CFAP299: variants seen among roughly 807,000 people sequenced by gnomAD.
CFAP299 encodes the protein cilia- and flagella-associated protein 299.
Under a neutral mutation model 27.0 loss-of-function variants are expected in CFAP299, and 21 were observed. That is an observed-to-expected ratio of 0.78 (90% CI 0.55 to 1.12). The LOEUF (loss-of-function observed/expected upper bound fraction) is 1.12. CFAP299 is among the 50% of genes most tolerant of loss of function. The pLI, the probability that CFAP299 is intolerant of heterozygous loss-of-function variation, is 0.00. For synonymous variants in CFAP299, 104 were observed against 98.1 expected, an observed-to-expected ratio of 1.06 and a Z score of -0.36; for missense variants, 310 against 276.6, an observed-to-expected ratio of 1.12 and a Z score of -0.86.
chr4:80,417,738 C>T, intron 2 of CFAP299, among the ~76,000 whole-genome samples: 1 of 151,976 alleles, frequency 6.6e-6, no homozygotes, highest in Non-Finnish European at 1.5e-5. Flanking sequence ...ATTGTAATGC[C>T]CCACTATTCT....
intron 4 of CFAP299, among the ~76,000 whole-genome samples, chr4:80,887,432 T>C (rs1309206510): frequency 6.8e-6 from 1 of 148,068 alleles, no homozygotes; most frequent in East Asian, 2.0e-4. Context: ...GTATGACATA[T>C]TTAAAGTGCT....
At chr4:80,643,745 C>T (rs1015690040) in intron 3 of CFAP299, among the ~76,000 whole-genome samples, 1 of 151,992 alleles carries the variant, frequency 6.6e-6, no homozygotes, top group African/African-American at 2.4e-5. Flanking sequence ...GCTTAGGTAC[C>T]CCTTCACTCC....
At chr4:80,414,006 A>G (rs1342036877) in intron 2 of CFAP299, among the ~76,000 whole-genome samples, 1 of 150,902 alleles carries the variant, frequency 6.6e-6, no homozygotes, top group East Asian at 1.9e-4. Flanking sequence ...TGAAAAGAAG[A>G]CTCAGTTGTC....
intron 3 of CFAP299, among the ~76,000 whole-genome samples, chr4:80,641,870 A>G (rs1739743739): frequency 6.6e-6 from 1 of 152,220 alleles, no homozygotes; most frequent in South Asian, 2.1e-4. Context: ...TTTAAGGTAA[A>G]ATCACATGAA....
intron 3 of CFAP299, among the ~76,000 whole-genome samples, chr4:80,702,170 T>A (rs944139751): frequency 6.6e-6 from 1 of 151,884 alleles, no homozygotes; most frequent in African/African-American, 2.4e-5. Context: ...TTTTAACAAC[T>A]ACTCAACTAG....
chr4:80,643,996 C>A (rs1231660495), intron 3 of CFAP299, among the ~76,000 whole-genome samples: 1 of 152,090 alleles, frequency 6.6e-6, no homozygotes, highest in Non-Finnish European at 1.5e-5. Context: ...AGTTTCAATA[C>A]CTCTAATGTC....
chr4:80,778,571 A>G (rs1578115163), intron 3 of CFAP299, among the ~76,000 whole-genome samples: 2 of 152,060 alleles, frequency 1.3e-5, no homozygotes, highest in African/African-American at 4.8e-5. Context: ...CTTCACAGAT[A>G]CTGCTGGTAC....
At chr4:80,390,763 A>G (rs916830268) in intron 2 of CFAP299, among the ~76,000 whole-genome samples, 51 of 145,432 alleles carry the variant, frequency 3.5e-4, no homozygotes, top group Admixed American at 5.6e-4. Flanking sequence ...ACACATATGT[A>G]TATATGTATA....
At chr4:80,607,330 T>G (rs1236834426) in intron 3 of CFAP299, among the ~76,000 whole-genome samples, 3 of 152,048 alleles carry the variant, frequency 2.0e-5, no homozygotes, top group African/African-American at 7.2e-5. Context: ...TACTATAGAG[T>G]CTTGTTGGTT....
chr4:80,687,691 T>C (rs948362089), intron 3 of CFAP299, among the ~76,000 whole-genome samples: 1 of 152,168 alleles, frequency 6.6e-6, no homozygotes, highest in Admixed American at 6.5e-5. Flanking sequence ...GGAGGCAAGA[T>C]GGCCGAATAG....
At position 80,373,242 on chromosome 4, in the gene CFAP299, G is replaced by A. The variant is rs752324475; in HGVS notation, c.242+10358G>A. ...CCCCATAAGCTTCCACTCTAAGAGC[G>A]GGGCCACAGTGATTCTTTGGATCTC... On this transcript the variant is annotated intron_variant, in intron 2 of 5. Coordinates refer to ENST00000358105, the MANE Select transcript of CFAP299 (RefSeq NM_152770.3). Among the ~76,000 whole-genome samples, 7 of 152,018 alleles carry A rather than the reference G, an allele frequency of 4.6e-5. 1 individual carries two copies. The highest frequency in any genetic ancestry group is 9.6e-5 in the African/African-American group (4 of 41,466).
intron 3 of CFAP299, among the ~76,000 whole-genome samples, chr4:80,650,653 T>C (rs1483577706): frequency 3.3e-5 from 5 of 152,204 alleles, no homozygotes; most frequent in African/African-American, 9.6e-5. Flanking sequence ...GTAAGCCTTA[T>C]GCATCTTAAA....
chr4:80,418,707 A>G (rs1368494066), intron 2 of CFAP299, among the ~76,000 whole-genome samples: 1 of 151,282 alleles, frequency 6.6e-6, no homozygotes, highest in Non-Finnish European at 1.5e-5. Flanking sequence ...TTAGAGTTCA[A>G]TTGTTTTACA....
At chr4:80,704,299 T>G (rs1295908276) in intron 3 of CFAP299, among the ~76,000 whole-genome samples, 2 of 151,690 alleles carry the variant, frequency 1.3e-5, no homozygotes, top group Non-Finnish European at 3.0e-5. Context: ...AGCAAACTCA[T>G]GTATGATGGC....
rs1175636829 is a variant in CFAP299 at position 80,746,106 on chromosome 4, AGAG to A, written c.334-123885_334-123883del. 2.0e-5 allele frequency among the ~76,000 whole-genome samples: 3 copies of A among 152,050 alleles called. No homozygotes were observed. In the East Asian group the frequency reaches 5.8e-4, roughly 29 times the overall value. On this transcript the variant is annotated intron_variant, in intron 3 of 5. Transcript: ENST00000358105. ...TAGATAGAGAATTGGGAATATCATG[AGAG>A]GCAAAAGAGACCTATATTTGAGTCT...
At chr4:80,359,800 C>T (rs957008667) in intron 1 of CFAP299, among the ~76,000 whole-genome samples, 5 of 152,078 alleles carry the variant, frequency 3.3e-5, no homozygotes, top group Non-Finnish European at 7.4e-5. Flanking sequence ...TGTTCCTATC[C>T]GTATTCTGAA....
intron 1 of CFAP299, chr4:80,336,825 A>G (rs1479716394): frequency 1.3e-5 from 2 of 152,242 alleles, no homozygotes; most frequent in South Asian, 2.1e-4. Flanking sequence ...AGGCGCCACT[A>G]TGTGGTGAAA....
chr4:80,809,369 A>G (rs1184636799), intron 3 of CFAP299, among the ~76,000 whole-genome samples: 1 of 152,202 alleles, frequency 6.6e-6, no homozygotes, highest in Non-Finnish European at 1.5e-5. Context: ...GAAACTTTTA[A>G]GTAAGTAAAT....
At chr4:80,463,152 ATT>A (rs35437423) in intron 2 of CFAP299, among the ~76,000 whole-genome samples, 66 of 150,640 alleles carry the variant, frequency 4.4e-4, no homozygotes, top group African/African-American at 6.5e-4. Context: ...AAATAAAATG[ATT>A]TTTTTTTTTA....
Sources: allele counts gnomAD v4.1 joint callset (sites outside exome capture counted in the v4.1 genomes callset), GRCh38; gene constraint gnomAD v4.1.1; transcripts MANE v1.5; gene names NCBI Gene and HGNC (gene_info 2026-07-23, HGNC 2026-07-21).